GEMIN4: variants seen among roughly 807,000 people sequenced by gnomAD.
GEMIN4 encodes gem-associated protein 4.
Under a neutral mutation model 76.8 loss-of-function variants are expected in GEMIN4, and 59 were observed. The observed-to-expected ratio is 0.77, with a 90% CI of 0.62 to 0.95. The LOEUF is 0.95. Ranked by LOEUF, GEMIN4 falls within the 40% of genes least tolerant of loss-of-function variation. The pLI is 0.00. For missense variants in GEMIN4, 1,311 were observed against 1,318.9 expected (o/e 0.99, Z 0.09); for synonymous variants, 562 against 559.7 (o/e 1.00, Z -0.06).
chr17:747,366 A>G lies in GEMIN4; in HGVS notation c.677T>C (p.Ile226Thr). The stretch of plus-strand genomic sequence containing the variant: ...CCCCGGGCCCAGGATCCGACTCTGG[A>G]TCTGTGTCAGCCCGCGGAGCAGCAT... ...LAMLLRGLTQ[I>T]QSRILGPGRK... Residue 226 changes from isoleucine (I) to threonine (T), a missense_variant, in exon 2 of 2, where the codon ATC (isoleucine) becomes ACC (threonine). By Grantham distance (89) the Ile-to-Thr change is moderately conservative. This residue lies in a region of GEMIN4 where 1,208 missense variants were observed against 1,166.9 expected (regional missense o/e 1.04). Coordinates refer to ENST00000319004, the MANE Select transcript of GEMIN4 (RefSeq NM_015721.3). The G allele has an allele frequency of 6.2e-7, 1 of 1,613,732 alleles. No individual in the cohort carries two copies.
chr17:745,841 C>G lies in GEMIN4; in HGVS notation c.2202G>C (p.Glu734Asp). The change falls in exon 2 of 2, where the codon GAG (glutamate) becomes GAC (aspartate). Residue 734 changes from glutamate to aspartate, a missense_variant. By Grantham distance (45) the Glu-to-Asp change is conservative. Coordinates refer to ENST00000319004, the MANE Select transcript of GEMIN4 (RefSeq NM_015721.3). This position sits in a 1 kb window ranked among gnomAD's most constrained non-coding sequence, Gnocchi z 4.6. ...DRKDLAIHIL[E>D]LLCEIVSANA... ...TGGCTGATACAATCTCACACAGGAGCTCCAGGATATGGATCGCTAGATCCT... is the reference window on the plus strand; with the variant it reads ...TGGCTGATACAATCTCACACAGGAGGTCCAGGATATGGATCGCTAGATCCT... 2 of 1,612,986 alleles carry G rather than the reference C, an allele frequency of 1.2e-6. No homozygotes were observed. Among genetic ancestry groups the G allele is most frequent in the South Asian group, 2.2e-5 (2 of 91,040 alleles).
rs748132329 is a variant in GEMIN4, at chr17:744,794, G to A, written c.*72C>T. ...TGCCATGTTGAAGCCCAGCTTTTTCGCTCCCGCACAGGTAAGAAGCTGCTG... is the reference window on the plus strand; with the variant it reads ...TGCCATGTTGAAGCCCAGCTTTTTCACTCCCGCACAGGTAAGAAGCTGCTG... On this transcript the variant is annotated 3_prime_UTR_variant, in exon 2 of 2. Coordinates refer to ENST00000319004, the MANE Select transcript of GEMIN4 (RefSeq NM_015721.3). 8.1e-5 allele frequency: 119 copies of A among 1,473,490 alleles called. No individual in the cohort carries two copies. Among genetic ancestry groups the A allele is most frequent in the Admixed American group, 4.7e-4 (20 of 42,892 alleles). The allele number at this position is 1,473,490 out of a possible 1,614,324, so 91.3% of individuals were successfully genotyped here.
Position 746,105 on chromosome 17 carries a change from A to C in GEMIN4, c.1938T>G (p.Leu646=). The change falls in exon 2 of 2, where the codon CTT becomes CTG. Residue 646 remains leucine, a synonymous_variant. Coordinates refer to ENST00000319004, the MANE Select transcript of GEMIN4 (RefSeq NM_015721.3). This position sits in a 1 kb window ranked among gnomAD's most constrained non-coding sequence, Gnocchi z 4.3. The part of the protein sequence containing the change: ...KPQGIPVAAL[L]EPDEVLKEFV... Reference sequence around the variant, plus strand: ...ATTCCTTCAGCACCTCGTCTGGCTCAAGAAGAGCAGCCACTGGAATCCCTT... The same window carrying C: ...ATTCCTTCAGCACCTCGTCTGGCTCCAGAAGAGCAGCCACTGGAATCCCTT... 6.2e-7 allele frequency: 1 copy of C among 1,613,978 alleles called. No homozygotes were observed.
At chr17:750,510 C>G (rs1904614935) in intron 1 of GEMIN4, among the ~76,000 whole-genome samples, 1 of 152,206 alleles carries the variant, frequency 6.6e-6, no homozygotes, top group Non-Finnish European at 1.5e-5. Context: ...CCTCCCCCAG[C>G]TCAGAAACAT....
In GEMIN4 at chr17:746,405, C is replaced by G. The variant is rs370911790; in HGVS notation, c.1638G>C (p.Val546=). ...SASEQGLAKA[V]ASVARLVIVH... ...CTATGACCAGGCGGGCCACGGAGGCCACAGCTTTTGCCAAGCCCTGTTCGG... is the reference window on the plus strand; with the variant it reads ...CTATGACCAGGCGGGCCACGGAGGCGACAGCTTTTGCCAAGCCCTGTTCGG... The change falls in exon 2 of 2, where the codon GTG becomes GTC. Residue 546 remains valine, a synonymous_variant. Transcript: ENST00000319004. This position sits in a 1 kb window ranked among gnomAD's most constrained non-coding sequence, Gnocchi z 4.3. 19 of 1,613,820 alleles carry G rather than the reference C, an allele frequency of 1.2e-5. No individual in the cohort carries two copies. In the African/African-American group the frequency reaches 2.1e-4, roughly 18 times the overall value.
rs1198102460 is a variant in GEMIN4, at chr17:745,890, T to G, written c.2153A>C (p.Lys718Thr). The change falls in exon 2 of 2, where the codon AAG becomes ACG. Residue 718 changes from lysine to threonine, a missense_variant. Around this residue, in one of 2 missense-constraint regions of GEMIN4, gnomAD observed 1,208 missense variants for 1,166.9 expected, o/e 1.04. Coordinates refer to ENST00000319004, the MANE Select transcript of GEMIN4 (RefSeq NM_015721.3). This position sits in a 1 kb window ranked among gnomAD's most constrained non-coding sequence, Gnocchi z 4.6. ...CTTCCTATCCAAAGAGAGGCACCGC[T>G]TCTCCTTGGGAAGCTGCCAGTATTT... is the stretch of plus-strand genomic sequence containing the variant. ...FSKYWQLPKEKRCLSLDRKDL... is the reference protein window; with the variant it reads ...FSKYWQLPKETRCLSLDRKDL... 1 of 1,612,880 alleles carries G rather than the reference T, an allele frequency of 6.2e-7. No individual in the cohort carries two copies. The highest frequency in any genetic ancestry group is 8.5e-7 in the Non-Finnish European group (1 of 1,179,852).
At position 746,946 on chromosome 17, in the gene GEMIN4, G is replaced by GCC; in HGVS notation, c.1096_1097insGG (p.Thr366ArgfsTer23). ...CTGCCTGTCCTCCTTGGACAGGCTG[G>GCC]TGCGGTTCAGGTAGAGCGTCGCGTT... On this transcript the variant is annotated frameshift_variant, in exon 2 of 2. Coordinates refer to ENST00000319004, the MANE Select transcript of GEMIN4 (RefSeq NM_015721.3). LOFTEE classifies it high-confidence loss of function. The surrounding 1 kb of genome is among the most constrained non-coding windows in gnomAD (Gnocchi z 4.3). 6.2e-7 allele frequency: 1 copy of GCC among 1,613,624 alleles called. No individual in the cohort carries two copies.
At chr17:752,737 G>C, upstream of GEMIN4, 2 of 457,444 alleles carry the variant, frequency 4.4e-6, no homozygotes, top group Non-Finnish European at 2.9e-6. Flanking sequence ...AACATGGTGG[G>C]GTTTACGCTG....
Position 746,454 on chromosome 17 carries a change from A to C in GEMIN4, c.1589T>G (p.Phe530Cys), listed in dbSNP as rs373738849. 10 of 1,613,878 alleles carry C rather than the reference A, an allele frequency of 6.2e-6. No homozygotes were observed. The African/African-American group carries it at 1.3e-4, about 22-fold the overall frequency. Residue 530 changes from phenylalanine to cysteine, a missense_variant, in exon 2 of 2, where the codon TTT (phenylalanine) becomes TGT (cysteine). By Grantham distance (205) the Phe-to-Cys change is radical (BLOSUM62 -2). Coordinates refer to ENST00000319004, the MANE Select transcript of GEMIN4 (RefSeq NM_015721.3). The surrounding 1 kb of genome is among the most constrained non-coding windows in gnomAD (Gnocchi z 4.3). ...GGAGGCACTCTGAGTGAGCTGGTTA[A>C]AAGTTGTATTGAGGTCTTCCTGAAA... ...EGFQEDLNTTFNQLTQSASEQ... is the reference protein window; with the variant it reads ...EGFQEDLNTTCNQLTQSASEQ...
rs763927851 is a variant in GEMIN4, at chr17:752,129, C to T, written c.10+4G>A. 20 of 1,238,952 alleles carry T rather than the reference C, an allele frequency of 1.6e-5. No individual in the cohort carries two copies. In the East Asian group the frequency reaches 3.7e-4, roughly 23 times the overall value. 76.7% of individuals were successfully genotyped at this position (1,238,952 alleles called of 1,614,324 possible). A position where few individuals can be genotyped will look rare whatever the true frequency, so the allele number is the denominator to read the frequency against. On this transcript the variant is annotated splice_donor_region_variant and intron_variant, in intron 1 of 1. Coordinates refer to ENST00000319004, the MANE Select transcript of GEMIN4 (RefSeq NM_015721.3). ...GCCCGGGGCCGGGGAGCCGCGGCAC[C>T]CACCTAGGTCCATGGCGGCGACGCC...
At position 749,855 on chromosome 17, in the gene GEMIN4, A is replaced by G. The variant is rs1904566990; in HGVS notation, c.11-1823T>C. The stretch of plus-strand genomic sequence containing the variant: ...AAACATTCTTCTAGCTTTCAGGGAA[A>G]CGGTCCACCCCACAGCTCCTTCCAG... On this transcript the variant is annotated intron_variant, in intron 1 of 1. Transcript: ENST00000319004. The G allele has an allele frequency of 4.0e-6, 4 of 994,754 alleles. No individual in the cohort carries two copies. In the South Asian group the frequency reaches 1.3e-4, roughly 33 times the overall value. 61.6% of individuals were successfully genotyped at this position (994,754 alleles called of 1,614,324 possible). A position where few individuals can be genotyped will look rare whatever the true frequency, so the allele number is the denominator to read the frequency against.
At position 744,817 on chromosome 17, in the gene GEMIN4, C is replaced by G; in HGVS notation, c.*49G>C. 6.4e-7 allele frequency: 1 copy of G among 1,553,718 alleles called. No individual in the cohort carries two copies. The highest frequency in any genetic ancestry group is 8.7e-7 in the Non-Finnish European group (1 of 1,154,712). ...TCGCTCCCGCACAGGTAAGAAGCTGCTGATCTTCTGCAGACCCGCCATGTT... is the reference window on the plus strand; with the variant it reads ...TCGCTCCCGCACAGGTAAGAAGCTGGTGATCTTCTGCAGACCCGCCATGTT... On this transcript the variant is annotated 3_prime_UTR_variant, in exon 2 of 2. Transcript: ENST00000319004.
rs937802475 is a variant in GEMIN4 at position 744,626 on chromosome 17, G to A, written c.*240C>T. The A allele has an allele frequency of 3.4e-5, 15 of 440,582 alleles. No homozygotes were observed. Among genetic ancestry groups the A allele is most frequent in the African/African-American group, 1.8e-4 (9 of 50,350 alleles). 27.3% of individuals were successfully genotyped at this position (440,582 alleles called of 1,614,324 possible). A position where few individuals can be genotyped will look rare whatever the true frequency, so the allele number is the denominator to read the frequency against. On this transcript the variant is annotated 3_prime_UTR_variant, in exon 2 of 2. Coordinates refer to ENST00000319004, the MANE Select transcript of GEMIN4 (RefSeq NM_015721.3). ...ACTTAGAAGAGACAAAGTGAGATGC[G>A]AAAGAGGAGAATTTTTATGATAGTT...
chr17:747,164 C>T lies in GEMIN4; in HGVS notation c.879G>A (p.Val293=), dbSNP rs1359226186. 3 of 1,613,858 alleles carry T rather than the reference C, an allele frequency of 1.9e-6. No individual in the cohort carries two copies. The highest frequency in any genetic ancestry group is 2.5e-6 in the Non-Finnish European group (3 of 1,179,890). The change falls in exon 2 of 2, where the codon GTG becomes GTA. Residue 293 remains valine (V), a synonymous_variant. Transcript: ENST00000319004. The stretch of plus-strand genomic sequence containing the variant: ...GGCTGACATCCCGTTCTGCCTCCTT[C>T]ACCTTCTCTGCCAGCGCCTGCTGGT... ...PYHQQALAEK[V]KEAERDVSLT...
chr17:751,069 C>T lies in GEMIN4; in HGVS notation c.10+1064G>A, dbSNP rs1025187330. On this transcript the variant is annotated intron_variant, in intron 1 of 1. Coordinates refer to ENST00000319004, the MANE Select transcript of GEMIN4 (RefSeq NM_015721.3). ...CAGTTTGAAGTAGTAAGTCCCAGGG[C>T]GGTTACTAGCTGGAAAATACTCCGG... Among the ~76,000 whole-genome samples the T allele has an allele frequency of 4.6e-5, 7 of 152,174 alleles. 1 individual carries two copies. The highest frequency in any genetic ancestry group is 4.6e-4 in the Admixed American group (7 of 15,272).
At chr17:750,331 G>A (rs1156466636) in intron 1 of GEMIN4, among the ~76,000 whole-genome samples, 1 of 152,194 alleles carries the variant, frequency 6.6e-6, no homozygotes, top group African/African-American at 2.4e-5. Context: ...TTGCTAGTGG[G>A]TTGGCACTGC....
rs1489488670 is a variant in GEMIN4, at chr17:747,398, C to G, written c.645G>C (p.Leu215=). The part of the protein sequence containing the change: ...SDPDACPTMP[L]LAMLLRGLTQ... Reference sequence around the variant, plus strand: ...TCAGCCCGCGGAGCAGCATGGCCAACAGGGGCATGGTGGGGCACGCGTCTG... The same window carrying G: ...TCAGCCCGCGGAGCAGCATGGCCAAGAGGGGCATGGTGGGGCACGCGTCTG... The change falls in exon 2 of 2, where the codon CTG becomes CTC. Residue 215 remains leucine (L), a synonymous_variant. Transcript: ENST00000319004. The G allele has an allele frequency of 1.2e-6, 2 of 1,613,738 alleles. No individual in the cohort carries two copies. Among genetic ancestry groups the G allele is most frequent in the East Asian group, 2.2e-5 (1 of 44,884 alleles).
At position 747,957 on chromosome 17, in the gene GEMIN4, T is replaced by C; in HGVS notation, c.86A>G (p.Lys29Arg). 1 of 1,613,274 alleles carries C rather than the reference T, an allele frequency of 6.2e-7. No individual in the cohort carries two copies. Among genetic ancestry groups the C allele is most frequent in the Non-Finnish European group, 8.5e-7 (1 of 1,179,662 alleles). The change falls in exon 2 of 2, where the codon AAG (lysine) becomes AGG (arginine). Residue 29 changes from lysine to arginine, a missense_variant. Lys to Arg is a conservative substitution (Grantham distance 26). Around this residue, in one of 2 missense-constraint regions of GEMIN4, gnomAD observed 103 missense variants for 152.0 expected, o/e 0.68. Coordinates refer to ENST00000319004, the MANE Select transcript of GEMIN4 (RefSeq NM_015721.3). ...FLLAEQLFHPKALAELTKSDW... is the reference protein window; with the variant it reads ...FLLAEQLFHPRALAELTKSDW... ...AGACTTTGTTAATTCTGCCAGTGCC[T>C]TAGGGTGGAACAGCTGCTCGGCCAG...
At chr17:750,072 CT>C in intron 1 of GEMIN4, 6 of 848,014 alleles carry the variant, frequency 7.1e-6, no homozygotes, top group Non-Finnish European at 8.5e-6. Context: ...TGATGTGATT[CT>C]GGCCAGGTTC....
Sources: allele counts gnomAD v4.1 joint callset (sites outside exome capture counted in the v4.1 genomes callset), GRCh38; gene constraint gnomAD v4.1.1; regional missense constraint gnomAD v4.1.1; non-coding constraint Gnocchi (gnomAD v3.1); transcripts MANE v1.5; gene names NCBI Gene and HGNC (gene_info 2026-07-23, HGNC 2026-07-21).